Variants in ZFP1 observed in about 807,000 individuals in gnomAD.
The protein encoded by ZFP1 is ZFP1 zinc finger protein.
In ZFP1, 32 loss-of-function variants were observed where a neutral mutation model predicts 38.5. The observed-to-expected ratio is 0.83, with a 90% CI of 0.63 to 1.12. The LOEUF (loss-of-function observed/expected upper bound fraction) is 1.12, where lower values mean the gene tolerates loss of function less well. Ranked by LOEUF, ZFP1 falls within the 50% of genes most tolerant of loss-of-function variation. ZFP1 has a pLI of 0.00. For missense variants in ZFP1, 616 were observed against 480.8 expected (o/e 1.28, Z -2.63); for synonymous variants, 245 against 168.8 (o/e 1.45, Z -3.50).
chr16:75,163,574 A>C (rs947788673), intron 2 of ZFP1, among the ~76,000 whole-genome samples: 1 of 150,186 alleles, frequency 6.7e-6, no homozygotes. Context: ...GGCCTCCCAG[A>C]GTGCTGGGAT....
chr16:75,143,438 G>T, the ZFP1 span, among the ~76,000 whole-genome samples: 1 of 151,900 alleles, frequency 6.6e-6, no homozygotes, highest in South Asian at 2.1e-4. Context: ...TAGAGATGGG[G>T]TTTCAATATG....
chr16:75,139,251 C>T, the ZFP1 span, among the ~76,000 whole-genome samples: 1 of 151,400 alleles, frequency 6.6e-6, no homozygotes, highest in Non-Finnish European at 1.5e-5. Flanking sequence ...TGCCTGTAGT[C>T]CCAGCTACTC....
chr16:75,149,193 G>T (rs1197497783), intron 1 of ZFP1: 1 of 152,170 alleles, frequency 6.6e-6, no homozygotes, highest in Non-Finnish European at 1.5e-5. Context: ...CATCTCCGTC[G>T]CTATCCCAGG....
At chr16:75,159,308 CCTCCT>C (rs2037633632) in intron 2 of ZFP1, among the ~76,000 whole-genome samples, 1 of 27,254 alleles carries the variant, frequency 3.7e-5, no homozygotes, top group Non-Finnish European at 1.2e-4. Flanking sequence ...CCCTCCCTTC[CCTCCT>C]TTCCCTCCTT....
At chr16:75,134,936 C>T in the ZFP1 span, among the ~76,000 whole-genome samples, 1 of 151,950 alleles carries the variant, frequency 6.6e-6, no homozygotes, top group Non-Finnish European at 1.5e-5. Flanking sequence ...TGCCTGTAAT[C>T]CCAGCTACTC....
At chr16:75,121,627 C>G in the ZFP1 span, among the ~76,000 whole-genome samples, 4 of 152,092 alleles carry the variant, frequency 2.6e-5, no homozygotes, top group Admixed American at 1.3e-4. Context: ...CTGAGTGTAT[C>G]CATAAGATGT....
In ZFP1 at chr16:75,169,689, C is replaced by T. The variant is rs768354271; in HGVS notation, c.579C>T (p.Phe193=). 6.2e-7 allele frequency: 1 copy of T among 1,611,158 alleles called. No homozygotes were observed. The highest frequency in any genetic ancestry group is 2.2e-5 in the East Asian group (1 of 44,848). ...TTTGTACTTACTGTGACAAGGCTTT[C>T]TCCTTTAAGTCACTCCTCATTAGTC... ...PFICTYCDKA[F]SFKSLLISHK... The change falls in exon 4 of 4, where the codon TTC becomes TTT. Residue 193 remains phenylalanine, a synonymous_variant. Transcript: ENST00000570010.
chr16:75,159,409 ATT>A (rs59866485), intron 2 of ZFP1, among the ~76,000 whole-genome samples: 2,344 of 59,188 alleles, frequency 0.04, 34 homozygotes, highest in Middle Eastern at 0.057. Context: ...CTCACTTTTC[ATT>A]TTTTTTTTTT....
rs761100402 is a variant in ZFP1, at chr16:75,169,483, A to G, written c.373A>G (p.Ser125Gly). Residue 125 changes from serine to glycine, a missense_variant, in exon 4 of 4, where the codon AGC (serine) becomes GGC (glycine). Physicochemically the swap from Ser to Gly is moderately conservative, Grantham distance 56. Transcript: ENST00000570010. ...YNSDLLNSNR[S>G]YAGKQTDECN... The stretch of plus-strand genomic sequence containing the variant: ...TTCAGACTTGCTTAATAGTAATAGA[A>G]GCTATGCAGGAAAGCAGACTGATGA... 1.2e-6 allele frequency: 2 copies of G among 1,612,856 alleles called. No individual in the cohort carries two copies. The highest frequency in any genetic ancestry group is 3.4e-5 in the Admixed American group (2 of 59,666).
intron 3 of ZFP1, 33 bp downstream of exon 3, chr16:75,166,929 T>TGC (rs1567539499): frequency 6.3e-7 from 1 of 1,595,172 alleles, no homozygotes; most frequent in African/African-American, 1.3e-5. Context: ...GCTCACCATG[T>TGC]GCCTAGAGGT....
At chr16:75,157,820 G>C (rs550528720) in intron 2 of ZFP1, among the ~76,000 whole-genome samples, 2 of 151,642 alleles carry the variant, frequency 1.3e-5, no homozygotes, top group Admixed American at 6.6e-5. Context: ...TTTTGAGACC[G>C]GATCTGGCTC....
chr16:75,132,950 C>A, the ZFP1 span, among the ~76,000 whole-genome samples: 1 of 149,844 alleles, frequency 6.7e-6, no homozygotes, highest in Admixed American at 6.7e-5. Context: ...TGAGCCACCA[C>A]GCCCAGCCTC....
chr16:75,123,204 A>G, the ZFP1 span, among the ~76,000 whole-genome samples: 2 of 151,466 alleles, frequency 1.3e-5, no homozygotes, highest in African/African-American at 4.8e-5. Context: ...AAATGCAAAA[A>G]TTAGCTGGGC....
chr16:75,123,455 G>GTATATGTGTATATATATATA, the ZFP1 span, among the ~76,000 whole-genome samples: 1 of 87,292 alleles, frequency 1.1e-5, no homozygotes. Context: ...GTGTGTATAT[G>GTATATGTGTATATATATATA]TATATATATA....
At chr16:75,152,837 A>G (rs2037276653) in intron 1 of ZFP1, 72 bp from the exon 2 acceptor site, 9 of 1,438,532 alleles carry the variant, frequency 6.3e-6, no homozygotes, top group Non-Finnish European at 8.6e-6. Flanking sequence ...GGGTTTCTAA[A>G]CAAGTCATTC....
At chr16:75,142,448 C>G in the ZFP1 span, among the ~76,000 whole-genome samples, 1 of 152,088 alleles carries the variant, frequency 6.6e-6, no homozygotes, top group Non-Finnish European at 1.5e-5. Flanking sequence ...CCAGTTGGAC[C>G]TAGTAGCTGC....
At chr16:75,129,313 C>G in the ZFP1 span, among the ~76,000 whole-genome samples, 1 of 152,060 alleles carries the variant, frequency 6.6e-6, no homozygotes, top group Non-Finnish European at 1.5e-5. Context: ...TCAGATGAAA[C>G]CTGAGATCAG....
chr16:75,166,688 G>A (rs902314967), intron 2 of ZFP1, 82 bp from the exon 3 acceptor site: 7 of 1,596,674 alleles, frequency 4.4e-6, no homozygotes, highest in Non-Finnish European at 5.1e-6. Flanking sequence ...AGATTTTCAT[G>A]ATGAATGACA....
the ZFP1 span, among the ~76,000 whole-genome samples, chr16:75,126,876 A>G: frequency 6.6e-6 from 1 of 152,296 alleles, no homozygotes; most frequent in Admixed American, 6.5e-5. Flanking sequence ...AAAATGACAT[A>G]TTTGGCTTAT....
Sources: allele counts gnomAD v4.1 joint callset (sites outside exome capture counted in the v4.1 genomes callset), GRCh38; gene constraint gnomAD v4.1.1; transcripts MANE v1.5; gene names NCBI Gene and HGNC (gene_info 2026-07-23, HGNC 2026-07-21).